ARGFX: variants seen among roughly 807,000 people sequenced by gnomAD.
The protein encoded by ARGFX is arginine-fifty homeobox.
Under a neutral mutation model 8.0 loss-of-function variants are expected in ARGFX, and 10 were observed. The ratio of observed to expected loss-of-function variants is 1.25; its 90% CI spans 0.77 to 2.12. The LOEUF (loss-of-function observed/expected upper bound fraction) is 2.12, where lower values mean the gene tolerates loss of function less well. Among genes scored for constraint, ARGFX ranks in the 30% most tolerant of loss-of-function variants. ARGFX has a pLI of 0.00. For missense variants in ARGFX, 282 were observed against 324.3 expected (o/e 0.87, Z 1.00); for synonymous variants, 116 against 117.8 (o/e 0.98, Z 0.10).
At position 121,585,065 on chromosome 3, in the gene ARGFX, G is replaced by A. The variant is rs976109052; in HGVS notation, c.369G>A (p.Lys123=). 1.2e-6 allele frequency: 2 copies of A among 1,613,784 alleles called. No individual in the cohort carries two copies. The highest frequency in any genetic ancestry group is 1.7e-5 in the Admixed American group (1 of 60,012). ...LRLDLPESTV[K]VWFRNRRFKL... ...TCGACCTACCGGAGTCAACAGTAAA[G>A]GTCTGATCCCCTGTGGTGTGCTTGG... Residue 123 remains lysine, a splice_region_variant and synonymous_variant, in exon 4 of 5, where the codon AAG becomes AAA. Coordinates refer to ENST00000334384, the MANE Select transcript of ARGFX (RefSeq NM_001012659.2).
rs1390453538 is a variant in ARGFX, at chr3:121,587,814, A to C, written c.*1214A>C. Among the ~76,000 whole-genome samples the C allele has an allele frequency of 6.6e-6, 1 of 151,536 alleles. No individual in the cohort carries two copies. The highest frequency in any genetic ancestry group is 2.4e-5 in the African/African-American group (1 of 41,190). ...GCTGAGACTACAGACATGCGCCACC[A>C]TGTCTGGCTAATTTTTGTATTTTTA... On this transcript the variant is annotated 3_prime_UTR_variant, in exon 5 of 5. Transcript: ENST00000334384.
chr3:121,568,501 C>G (rs904860076), intron 1 of ARGFX, among the ~76,000 whole-genome samples: 2 of 152,162 alleles, frequency 1.3e-5, no homozygotes, highest in Non-Finnish European at 2.9e-5. Context: ...CCAGTTGAAT[C>G]GTTTGCTTCT....
rs1324561825 is a variant in ARGFX, at chr3:121,584,903, T to C, written c.221-14T>C. 1 of 1,606,674 alleles carries C rather than the reference T, an allele frequency of 6.2e-7. No individual in the cohort carries two copies. Among genetic ancestry groups the C allele is most frequent in the Non-Finnish European group, 8.5e-7 (1 of 1,177,530 alleles). ...TGTAAATGTAACCACCCCTTCTTTA[T>C]CTCTGCCCTGAAGCAATACGGAGAA... On this transcript the variant is annotated splice_polypyrimidine_tract_variant and intron_variant, in intron 3 of 4. Coordinates refer to ENST00000334384, the MANE Select transcript of ARGFX (RefSeq NM_001012659.2).
Position 121,588,664 on chromosome 3 carries a change from A to G in ARGFX, c.*2064A>G, listed in dbSNP as rs2048827844. ...CCAGGCGCAGTGGCTCACACCTGTA[A>G]TCCCAGCACGTTGGGAGGCCAAGGC... On this transcript the variant is annotated 3_prime_UTR_variant, in exon 5 of 5. Transcript: ENST00000334384. Among the ~76,000 whole-genome samples, 1 of 151,792 alleles carries G rather than the reference A, an allele frequency of 6.6e-6. No homozygotes were observed.
Position 121,588,487 on chromosome 3 carries a change from AT to A in ARGFX, c.*1888del, listed in dbSNP as rs1273868043. 1.7e-4 allele frequency among the ~76,000 whole-genome samples: 23 copies of A among 138,432 alleles called. No individual in the cohort carries two copies. Among genetic ancestry groups the A allele is most frequent in the African/African-American group, 6.6e-4 (22 of 33,584 alleles). 90.8% of individuals were successfully genotyped at this position (138,432 alleles called of 152,430 possible). A position where few individuals can be genotyped will look rare whatever the true frequency, so the allele number is the denominator to read the frequency against. On this transcript the variant is annotated 3_prime_UTR_variant, in exon 5 of 5. Coordinates refer to ENST00000334384, the MANE Select transcript of ARGFX (RefSeq NM_001012659.2). ...AGCAAGACTCTGTCTCAAAAAAAAA[AT>A]AAAAAATAAAAAATAAAAAATAAAA...
At chr3:121,581,344 G>A (rs1279073471) in intron 3 of ARGFX, among the ~76,000 whole-genome samples, 1 of 152,150 alleles carries the variant, frequency 6.6e-6, no homozygotes, top group Non-Finnish European at 1.5e-5. Flanking sequence ...TTAATAAAAT[G>A]TAACAATTTT....
intron 2 of ARGFX, among the ~76,000 whole-genome samples, chr3:121,574,240 A>C (rs2048724174): frequency 6.6e-6 from 1 of 152,172 alleles, no homozygotes; most frequent in Non-Finnish European, 1.5e-5. Context: ...GCAGTCTCCA[A>C]CCTTTTTGGC....
At chr3:121,576,582 C>T (rs2048737141) in intron 2 of ARGFX, among the ~76,000 whole-genome samples, 1 of 152,116 alleles carries the variant, frequency 6.6e-6, no homozygotes, top group South Asian at 2.1e-4. Flanking sequence ...TGTGATCTAG[C>T]CGCCTCAGCC....
intron 1 of ARGFX, 27 bp from the exon 2 acceptor site, chr3:121,570,674 TC>T: frequency 2.1e-6 from 3 of 1,451,972 alleles, no homozygotes; most frequent in Non-Finnish European, 2.9e-6. Context: ...TCATCAGCAT[TC>T]CCTATCTCAT....
At chr3:121,573,254 G>A (rs924117893) in intron 2 of ARGFX, among the ~76,000 whole-genome samples, 3 of 152,202 alleles carry the variant, frequency 2.0e-5, no homozygotes, top group Admixed American at 2.0e-4. Context: ...GCCGAGATGC[G>A]TGGATCACCT....
chr3:121,581,602 T>C (rs2048780548), intron 3 of ARGFX, among the ~76,000 whole-genome samples: 1 of 152,224 alleles, frequency 6.6e-6, no homozygotes, highest in Non-Finnish European at 1.5e-5. Context: ...TAAATTAACA[T>C]TTAATAAAAT....
chr3:121,573,828 A>T (rs1425354200), intron 2 of ARGFX, among the ~76,000 whole-genome samples: 2 of 143,272 alleles, frequency 1.4e-5, no homozygotes, highest in African/African-American at 5.2e-5. Context: ...AGCCTGGGCA[A>T]CAAGAGCAAA....
Position 121,588,201 on chromosome 3 carries a change from C to T in ARGFX, c.*1601C>T, listed in dbSNP as rs1435237958. On this transcript the variant is annotated 3_prime_UTR_variant, in exon 5 of 5. Coordinates refer to ENST00000334384, the MANE Select transcript of ARGFX (RefSeq NM_001012659.2). ...GAAACATAAGGGCTGGGGGTGGTGG[C>T]TCATGCCTGTAATCCCAGCACTTTG... is the stretch of plus-strand genomic sequence containing the variant. 6.6e-6 allele frequency among the ~76,000 whole-genome samples: 1 copy of T among 151,342 alleles called. No homozygotes were observed. Among genetic ancestry groups the T allele is most frequent in the Non-Finnish European group, 1.5e-5 (1 of 67,910 alleles).
At chr3:121,585,940 C>A in intron 4 of ARGFX, 82 bp from the exon 5 acceptor site, 1 of 1,326,702 alleles carries the variant, frequency 7.5e-7, no homozygotes, top group Non-Finnish European at 1.0e-6. Flanking sequence ...AAGATTATAA[C>A]CTGGCTGTTT....
chr3:121,580,567 AGTGTGTGTGTGT>A (rs143363410), intron 3 of ARGFX, among the ~76,000 whole-genome samples: 3 of 128,094 alleles, frequency 2.3e-5, no homozygotes, highest in African/African-American at 8.6e-5. Flanking sequence ...TATAAAGAAA[AGTGTGTGTGTGT>A]GTGTGTGTGT....
chr3:121,569,259 A>G (rs1233049822), intron 1 of ARGFX, among the ~76,000 whole-genome samples: 1 of 152,162 alleles, frequency 6.6e-6, no homozygotes, highest in African/African-American at 2.4e-5. Context: ...TGCTAGAAAA[A>G]GGAGTATTCT....
intron 2 of ARGFX, among the ~76,000 whole-genome samples, chr3:121,573,265 G>A (rs746715602): frequency 1.3e-5 from 2 of 152,180 alleles, no homozygotes; most frequent in Non-Finnish European, 2.9e-5. Flanking sequence ...TGGATCACCT[G>A]AGGTCAGGAG....
Position 121,586,196 on chromosome 3 carries a change from C to T in ARGFX, c.544C>T (p.Gln182Ter). ...ISDFYSSLPSQPLDPSNWAWN... is the reference protein window; with the variant it reads ...ISDFYSSLPS ...AGATTTCTACAGCTCCCTTCCATCTCAGCCCTTAGACCCTTCCAATTGGGC... is the reference window on the plus strand; with the variant it reads ...AGATTTCTACAGCTCCCTTCCATCTTAGCCCTTAGACCCTTCCAATTGGGC... Residue 182 changes from glutamine (Q) to a stop codon, truncating the protein, a stop_gained, in exon 5 of 5, where the codon CAG becomes TAG. Transcript: ENST00000334384. LOFTEE classifies it low-confidence loss of function (END_TRUNC). 1 of 1,614,046 alleles carries T rather than the reference C, an allele frequency of 6.2e-7. No homozygotes were observed. Among genetic ancestry groups the T allele is most frequent in the East Asian group, 2.2e-5 (1 of 44,892 alleles).
In ARGFX at chr3:121,568,006, C is replaced by T. The variant is rs969568992; in HGVS notation, c.-20C>T. Among the ~76,000 whole-genome samples the T allele has an allele frequency of 2.0e-5, 3 of 151,842 alleles. No homozygotes were observed. The highest frequency in any genetic ancestry group is 4.8e-5 in the African/African-American group (2 of 41,336). The stretch of plus-strand genomic sequence containing the variant: ...TGAAAATGGTTACTCTAAGGGGATT[C>T]GTGACAGGTAAGCATGGGGGAGCGG... On this transcript the variant is annotated 5_prime_UTR_variant, in exon 1 of 5. Coordinates refer to ENST00000334384, the MANE Select transcript of ARGFX (RefSeq NM_001012659.2).
Sources: allele counts gnomAD v4.1 joint callset (sites outside exome capture counted in the v4.1 genomes callset), GRCh38; gene constraint gnomAD v4.1.1; transcripts MANE v1.5; gene names NCBI Gene and HGNC (gene_info 2026-07-23, HGNC 2026-07-21).